Variants in XPO6 observed in about 807,000 individuals in gnomAD.
XPO6 encodes exportin-6.
A neutral mutation model predicts 130.0 loss-of-function variants in XPO6; 3 were observed. The ratio of observed to expected loss-of-function variants is 0.02; its 90% confidence interval spans 0.01 to 0.06. The LOEUF (loss-of-function observed/expected upper bound fraction) is 0.06, where lower values mean the gene tolerates loss of function less well. Ranked by LOEUF, XPO6 falls within the 10% of genes least tolerant of loss-of-function variation. XPO6 has a pLI of 1.00. For missense variants in XPO6, 970 were observed against 1,393.0 expected (o/e 0.70, Z 4.83); for synonymous variants, 524 against 548.9 (o/e 0.95, Z 0.63).
chr16:28,117,097 C>CATGT (rs1359975187), intron 15 of XPO6: 23 of 522,240 alleles, frequency 4.4e-5, no homozygotes, highest in African/African-American at 4.0e-4. Context: ...TCACAGTGAG[C>CATGT]ATGTATTCAT....
At chr16:28,202,425 G>A (rs953666295) in intron 1 of XPO6, among the ~76,000 whole-genome samples, 4 of 152,138 alleles carry the variant, frequency 2.6e-5, no homozygotes, top group African/African-American at 9.7e-5. Flanking sequence ...CGCAGAACCT[G>A]GAAGAGAGGA....
chr16:28,172,522 C>T (rs1402540859), intron 4 of XPO6, among the ~76,000 whole-genome samples: 1 of 152,060 alleles, frequency 6.6e-6, no homozygotes, highest in Non-Finnish European at 1.5e-5. Context: ...GTTCTAGAAC[C>T]ATTAGTGTTA....
chr16:28,204,717 C>T (rs1324381166), intron 1 of XPO6, among the ~76,000 whole-genome samples: 2 of 152,096 alleles, frequency 1.3e-5, no homozygotes, highest in East Asian at 1.9e-4. Flanking sequence ...ACAACCTGTG[C>T]GACAGGAGGA....
At chr16:28,153,910 A>G (rs988018124) in intron 7 of XPO6, 74 of 985,276 alleles carry the variant, frequency 7.5e-5, no homozygotes, top group Non-Finnish European at 8.6e-5. Context: ...CCTGGGACCT[A>G]TCTCCCTGAG....
chr16:28,148,281 G>A (rs1000434221), intron 8 of XPO6, among the ~76,000 whole-genome samples: 11 of 152,302 alleles, frequency 7.2e-5, no homozygotes, highest in Non-Finnish European at 1.3e-4. Flanking sequence ...GACACACCCT[G>A]TATAACCTGA....
In XPO6 at chr16:28,152,763, A is replaced by C; in HGVS notation, c.1120T>G (p.Phe374Val). 1 of 1,613,358 alleles carries C rather than the reference A, an allele frequency of 6.2e-7. No individual in the cohort carries two copies. The highest frequency in any genetic ancestry group is 1.1e-5 in the South Asian group (1 of 90,820). The change falls in exon 8 of 24, where the codon TTT (phenylalanine) becomes GTT (valine). Residue 374 changes from phenylalanine (F) to valine (V), a missense_variant. This residue lies in a region of XPO6 where 936 missense variants were observed against 1,306.8 expected (regional missense o/e 0.72). Coordinates refer to ENST00000304658, the MANE Select transcript of XPO6 (RefSeq NM_015171.4). Reference protein sequence around the residue: ...DESYIEKFTDFLRLFVSVHLR... With the variant: ...DESYIEKFTDVLRLFVSVHLR... ...TGAACACTCACAAAGAGCCGAAGAA[A>C]GTCAGTAAACTTCTCGATATAGCTA...
In XPO6 at chr16:28,117,091, A is replaced by C. The variant is rs533139103; in HGVS notation, c.2004+227T>G. On this transcript the variant is annotated intron_variant, in intron 15 of 23. Transcript: ENST00000304658. Reference sequence around the variant, plus strand: ...TCTGAATGATATTTTACTTTTTCACAGTGAGCATGTATTCATGTGGAACTC... The same window carrying C: ...TCTGAATGATATTTTACTTTTTCACCGTGAGCATGTATTCATGTGGAACTC... 1.6e-5 allele frequency: 8 copies of C among 502,854 alleles called. No homozygotes were observed. The South Asian group carries it at 2.4e-4, about 15-fold the overall frequency. The allele number at this position is 502,854 out of a possible 1,614,324, so 31.1% of individuals were successfully genotyped here. A position where few individuals can be genotyped will look rare whatever the true frequency, so the allele number is the denominator to read the frequency against.
chr16:28,129,976 C>A (rs2042633159), intron 12 of XPO6, among the ~76,000 whole-genome samples: 2 of 152,168 alleles, frequency 1.3e-5, no homozygotes, highest in Admixed American at 1.3e-4. Context: ...TCTTAACCCA[C>A]ATAAGGTAGA....
intron 9 of XPO6, among the ~76,000 whole-genome samples, chr16:28,144,307 A>T (rs2141794344): frequency 6.6e-6 from 1 of 152,338 alleles, no homozygotes; most frequent in African/African-American, 2.4e-5. Flanking sequence ...CAAAAGAACA[A>T]ATGTTTAAAC....
At chr16:28,128,957 T>G (rs1383541426) in intron 12 of XPO6, among the ~76,000 whole-genome samples, 1 of 152,208 alleles carries the variant, frequency 6.6e-6, no homozygotes, top group South Asian at 2.1e-4. Context: ...CTTGTCCTAT[T>G]TTGTCTAGCA....
Position 28,101,285 on chromosome 16 carries a change from C to T in XPO6, c.3276+173G>A, listed in dbSNP as rs957292038. The stretch of plus-strand genomic sequence containing the variant: ...CCAAGACTGGGGAAAAGGCTGTGCC[C>T]CTCAATCAGGCTACAGCACCAGGTC... On this transcript the variant is annotated intron_variant, in intron 23 of 23. Transcript: ENST00000304658. The surrounding 1 kb of genome is among the most constrained non-coding windows in gnomAD (Gnocchi z 5.4). The T allele has an allele frequency of 2.9e-6, 2 of 696,064 alleles. No homozygotes were observed. Among genetic ancestry groups the T allele is most frequent in the Non-Finnish European group, 5.2e-6 (2 of 383,190 alleles). 43.1% of individuals were successfully genotyped at this position (696,064 alleles called of 1,614,324 possible).
At chr16:28,134,314 G>A (rs943316963) in intron 10 of XPO6, among the ~76,000 whole-genome samples, 5 of 152,218 alleles carry the variant, frequency 3.3e-5, no homozygotes, top group African/African-American at 1.2e-4. Flanking sequence ...TCCACAGCCA[G>A]CCAGCAAACG....
rs1357923951 is a variant in XPO6 at position 28,156,168 on chromosome 16, G to A, written c.1003C>T (p.Arg335Cys). 7.4e-6 allele frequency: 12 copies of A among 1,613,986 alleles called. No individual in the cohort carries two copies. Among genetic ancestry groups the A allele is most frequent in the African/African-American group, 4.0e-5 (3 of 74,886 alleles). ...VPMEFEEYLL[R>C]MFQQTFYLLQ... ...AGGTAGAAAGTCTGCTGGAACATAC[G>A]CAGTAAATACTCCTCAAATTCCATA... is the stretch of plus-strand genomic sequence containing the variant. The change falls in exon 7 of 24, where the codon CGT (arginine) becomes TGT (cysteine). Residue 335 changes from arginine (R) to cysteine (C), a missense_variant. Transcript: ENST00000304658.
intron 18 of XPO6, among the ~76,000 whole-genome samples, chr16:28,107,057 G>A (rs1353201907): frequency 2.6e-5 from 4 of 152,138 alleles, no homozygotes; most frequent in Non-Finnish European, 2.9e-5. Context: ...CTAACTGCAC[G>A]CAATCTGCTT....
chr16:28,100,486 G>C (rs563279621), intron 23 of XPO6, among the ~76,000 whole-genome samples: 1 of 152,318 alleles, frequency 6.6e-6, no homozygotes, highest in South Asian at 2.1e-4. Flanking sequence ...AGGAGAACAG[G>C]ATGAGTCTAA....
intron 1 of XPO6, chr16:28,209,094 TACTTCATGACTCC>T (rs1250679287): frequency 6.6e-6 from 1 of 152,118 alleles, no homozygotes; most frequent in Non-Finnish European, 1.5e-5. Context: ...ACAGGCCAAA[TACTTCATGACTCC>T]ACTTACATGA....
At chr16:28,120,150 G>A (rs2087194623) in intron 14 of XPO6, among the ~76,000 whole-genome samples, 1 of 152,114 alleles carries the variant, frequency 6.6e-6, no homozygotes, top group Admixed American at 6.5e-5. Context: ...CAGCCATGCA[G>A]TTTATTTTCA....
chr16:28,163,325 C>T (rs567361238), intron 6 of XPO6, among the ~76,000 whole-genome samples: 3 of 152,346 alleles, frequency 2.0e-5, no homozygotes, highest in African/African-American at 7.2e-5. Flanking sequence ...GGCCTCAATT[C>T]ACACTCTCTG....
chr16:28,135,621 G>A (rs1423548520), intron 9 of XPO6, among the ~76,000 whole-genome samples: 2 of 152,092 alleles, frequency 1.3e-5, no homozygotes, highest in Non-Finnish European at 2.9e-5. Flanking sequence ...TCTCCTATTA[G>A]TATAGTGACC....
Sources: gnomAD v4.1 joint callset for allele counts (sites outside exome capture counted in the v4.1 genomes callset) on GRCh38, gnomAD v4.1.1 for gene constraint, gnomAD v4.1.1 regional missense constraint, Gnocchi (gnomAD v3.1) non-coding constraint, MANE v1.5 for transcripts, NCBI Gene and HGNC (gene_info 2026-07-23, HGNC 2026-07-21) for gene names.